Variants in CASZ1 observed in about 807,000 individuals in gnomAD.
CASZ1 encodes zinc finger protein castor homolog 1.
A neutral mutation model predicts 135.2 loss-of-function variants in CASZ1; 28 were observed. The observed-to-expected ratio is 0.21, with a 90% CI of 0.15 to 0.28. The LOEUF (loss-of-function observed/expected upper bound fraction) is 0.28, where lower values mean the gene tolerates loss of function less well. Ranked by LOEUF, CASZ1 falls within the 10% of genes least tolerant of loss-of-function variation. CASZ1 has a pLI of 1.00. For missense variants in CASZ1, 2,161 were observed against 2,453.3 expected (o/e 0.88, Z 2.52); for synonymous variants, 1,068 against 1,073.4 (o/e 0.99, Z 0.10).
chr1:10,664,009 C>G (rs1643142187), intron 5 of CASZ1, among the ~76,000 whole-genome samples: 2 of 152,240 alleles, frequency 1.3e-5, no homozygotes, highest in Non-Finnish European at 2.9e-5. Context: ...CACCTTGTGT[C>G]TGGCAACGGC....
chr1:10,655,544 G>A (rs879568973), intron 9 of CASZ1, 105 bp downstream of exon 9: 5 of 1,092,764 alleles, frequency 4.6e-6, no homozygotes, highest in South Asian at 3.0e-5. Context: ...ATCAACTGGG[G>A]TCCCTGCCCA....
At position 10,794,772 on chromosome 1, in the gene CASZ1, A is replaced by G. The variant is rs1641031219; in HGVS notation, c.-234+1792T>C. On this transcript the variant is annotated intron_variant, in intron 1 of 20. Coordinates refer to ENST00000377022, the MANE Select transcript of CASZ1 (RefSeq NM_001079843.3). The surrounding 1 kb of genome is among the most constrained non-coding windows in gnomAD (Gnocchi z 5.6). ...TATTATTATCTTAATCTACGCCCCC[A>G]AAGTGTCCCTCCAGCCGTGATTGAC... Among the ~76,000 whole-genome samples the G allele has an allele frequency of 6.6e-6, 1 of 152,132 alleles. No individual in the cohort carries two copies. The highest frequency in any genetic ancestry group is 2.4e-5 in the African/African-American group (1 of 41,444).
chr1:10,655,563 C>T, intron 9 of CASZ1, 86 bp downstream of exon 9: 21 of 1,329,164 alleles, frequency 1.6e-5, no homozygotes, highest in Non-Finnish European at 2.2e-5. Context: ...CATGGGGCAG[C>T]CCTGCCTCTG....
chr1:10,783,887 A>C (rs1380913595), intron 1 of CASZ1, among the ~76,000 whole-genome samples: 8 of 151,492 alleles, frequency 5.3e-5, no homozygotes, highest in African/African-American at 1.5e-4. Flanking sequence ...AAAAAAAAAA[A>C]AAAAAACCTA....
chr1:10,714,728 C>G (rs2100465523), intron 2 of CASZ1, among the ~76,000 whole-genome samples: 1 of 152,358 alleles, frequency 6.6e-6, no homozygotes, highest in Non-Finnish European at 1.5e-5. Flanking sequence ...AGGGCAGACT[C>G]TCTAATCAGG....
At chr1:10,643,068 A>G in intron 19 of CASZ1, 68 bp from the exon 20 acceptor site, 1 of 1,593,902 alleles carries the variant, frequency 6.3e-7, no homozygotes, top group East Asian at 2.2e-5. Context: ...GGGCAGGCTG[A>G]GGCTCCATGC....
chr1:10,665,712 G>A, intron 4 of CASZ1, 141 bp from the exon 5 acceptor site: 1 of 914,486 alleles, frequency 1.1e-6, no homozygotes, highest in East Asian at 2.7e-5. Context: ...AGACTGCCTG[G>A]CATGTGTCTA....
At chr1:10,723,564 G>A (rs1166589328) in intron 2 of CASZ1, among the ~76,000 whole-genome samples, 1 of 152,186 alleles carries the variant, frequency 6.6e-6, no homozygotes, top group Non-Finnish European at 1.5e-5. Flanking sequence ...TGTTGGACAC[G>A]GCAAATTTGG....
At position 10,794,170 on chromosome 1, in the gene CASZ1, T is replaced by A. The variant is rs554669546; in HGVS notation, c.-234+2394A>T. Among the ~76,000 whole-genome samples the A allele has an allele frequency of 2.7e-5, 4 of 146,292 alleles. No homozygotes were observed. The highest frequency in any genetic ancestry group is 5.9e-5 in the Non-Finnish European group (4 of 67,636). On this transcript the variant is annotated intron_variant, in intron 1 of 20. Transcript: ENST00000377022. The surrounding 1 kb of genome is among the most constrained non-coding windows in gnomAD (Gnocchi z 5.6). ...GCGCGTGTGTGTGCGTGTTTGTATG[T>A]GTATGCGTGTGTGTGTGTGTGTGTG... is the stretch of plus-strand genomic sequence containing the variant.
At chr1:10,687,229 C>G (rs897504065) in intron 4 of CASZ1, among the ~76,000 whole-genome samples, 2 of 152,220 alleles carry the variant, frequency 1.3e-5, no homozygotes, top group Non-Finnish European at 2.9e-5. Flanking sequence ...AAGAAAAGGC[C>G]AGGCGACCTT....
chr1:10,740,046 C>A (rs559905114), intron 2 of CASZ1, among the ~76,000 whole-genome samples: 1 of 152,324 alleles, frequency 6.6e-6, no homozygotes, highest in Non-Finnish European at 1.5e-5. Flanking sequence ...ATTACCACCA[C>A]CCCATAGGAA....
rs1178269817 is a variant in CASZ1, at chr1:10,638,476, C to G, written c.*466G>C. ...CTGACTGCCTTCTGCCCGTCTCCCCCTGGGCAGGGGGGAGGATCCTAGCTG... is the reference window on the plus strand; with the variant it reads ...CTGACTGCCTTCTGCCCGTCTCCCCGTGGGCAGGGGGGAGGATCCTAGCTG... On this transcript the variant is annotated 3_prime_UTR_variant, in exon 21 of 21. Coordinates refer to ENST00000377022, the MANE Select transcript of CASZ1 (RefSeq NM_001079843.3). This position sits in a 1 kb window ranked among gnomAD's most constrained non-coding sequence, Gnocchi z 5.9. The G allele has an allele frequency of 2.6e-5, 4 of 152,138 alleles. No homozygotes were observed. Among genetic ancestry groups the G allele is most frequent in the African/African-American group, 9.7e-5 (4 of 41,426 alleles). The allele number at this position is 152,138 out of a possible 1,614,324, so 9.4% of individuals were successfully genotyped here.
chr1:10,689,225 G>A (rs1360819306), intron 4 of CASZ1, among the ~76,000 whole-genome samples: 1 of 152,194 alleles, frequency 6.6e-6, no homozygotes, highest in Non-Finnish European at 1.5e-5. Context: ...GAGGAGTTGG[G>A]GCCAAGAGCC....
chr1:10,671,658 G>T (rs1473777566), intron 4 of CASZ1, among the ~76,000 whole-genome samples: 1 of 152,192 alleles, frequency 6.6e-6, no homozygotes, highest in African/African-American at 2.4e-5. Context: ...GCCCCAGGTG[G>T]GCACTTGGCA....
At chr1:10,681,935 C>G (rs2100362734) in intron 4 of CASZ1, among the ~76,000 whole-genome samples, 1 of 152,362 alleles carries the variant, frequency 6.6e-6, no homozygotes, top group East Asian at 1.9e-4. Flanking sequence ...AAAAGAGGCC[C>G]CAGTTGTTCG....
chr1:10,685,999 C>T (rs1211596363), intron 4 of CASZ1, among the ~76,000 whole-genome samples: 2 of 152,226 alleles, frequency 1.3e-5, no homozygotes, highest in African/African-American at 4.8e-5. Context: ...GCAAGTCACA[C>T]AAACCAGCTC....
chr1:10,775,743 G>A (rs561456378), intron 1 of CASZ1, among the ~76,000 whole-genome samples: 3 of 152,264 alleles, frequency 2.0e-5, no homozygotes, highest in Non-Finnish European at 4.4e-5. Flanking sequence ...ATAGAGGCCC[G>A]ATGTCAGGAC....
intron 4 of CASZ1, 107 bp downstream of exon 4, chr1:10,693,767 C>T: frequency 3.0e-6 from 2 of 658,082 alleles, no homozygotes; most frequent in East Asian, 7.2e-5. Flanking sequence ...ACCCTCCCGG[C>T]CCCCACCCGG....
At chr1:10,792,900 A>G (rs953570775) in intron 1 of CASZ1, among the ~76,000 whole-genome samples, 1 of 152,192 alleles carries the variant, frequency 6.6e-6, no homozygotes, top group African/African-American at 2.4e-5. Context: ...AGTTTGACTA[A>G]AAACTCCTTT....
Sources: gnomAD v4.1 joint callset for allele counts (sites outside exome capture counted in the v4.1 genomes callset) on GRCh38, gnomAD v4.1.1 for gene constraint, Gnocchi (gnomAD v3.1) non-coding constraint, MANE v1.5 for transcripts, NCBI Gene and HGNC (gene_info 2026-07-23, HGNC 2026-07-21) for gene names.